The following CNTNAP2 variants were observed in gnomAD, a reference collection of about 807,000 sequenced individuals.
CNTNAP2 encodes contactin-associated protein-like 2.
CNTNAP2 carries 98 observed loss-of-function variants against 155.2 expected under a neutral mutation model. That is an observed-to-expected ratio of 0.63 (90% CI 0.54 to 0.75). CNTNAP2 has a LOEUF of 0.75. CNTNAP2 is among the 30% of genes least tolerant of loss of function. CNTNAP2 has a pLI of 0.00. For synonymous variants in CNTNAP2, 651 were observed against 631.2 expected (o/e 1.03, Z -0.47); for missense variants, 1,727 against 1,688.1 (o/e 1.02, Z -0.40).
intron 15 of CNTNAP2, among the ~76,000 whole-genome samples, chr7:148,081,328 T>G (rs926678844): frequency 2.0e-5 from 3 of 151,998 alleles, no homozygotes; most frequent in Non-Finnish European, 4.4e-5. Context: ...TGATCTTGGG[T>G]GTGTATGTGA....
At chr7:147,910,706 T>C (rs973532452) in intron 14 of CNTNAP2, among the ~76,000 whole-genome samples, 1 of 152,116 alleles carries the variant, frequency 6.6e-6, no homozygotes, top group Admixed American at 6.6e-5. Context: ...GCAGGAGAAC[T>C]CCCATTTATA....
chr7:147,506,221 T>C (rs1798903347), intron 11 of CNTNAP2, among the ~76,000 whole-genome samples: 1 of 152,058 alleles, frequency 6.6e-6, no homozygotes, highest in Non-Finnish European at 1.5e-5. Context: ...AAGGCTCGGG[T>C]CCTTCAAGTT....
At chr7:146,538,060 C>A (rs1797896799) in intron 1 of CNTNAP2, among the ~76,000 whole-genome samples, 1 of 151,952 alleles carries the variant, frequency 6.6e-6, no homozygotes, top group Non-Finnish European at 1.5e-5. Flanking sequence ...GAAGAAATAT[C>A]CAAGCCAGTT....
intron 14 of CNTNAP2, among the ~76,000 whole-genome samples, chr7:147,920,696 G>C (rs1436830056): frequency 6.6e-6 from 1 of 152,110 alleles, no homozygotes; most frequent in South Asian, 2.1e-4. Flanking sequence ...GAAACACAGG[G>C]TGGGTGGGTA....
chr7:148,414,296 T>C lies in CNTNAP2; in HGVS notation c.3797-1121T>C, dbSNP rs540042477. Among the ~76,000 whole-genome samples, 170 of 152,190 alleles carry C rather than the reference T, an allele frequency of 1.1e-3. No homozygotes were observed. In the South Asian group the frequency reaches 0.017, roughly 15 times the overall value. On this transcript the variant is annotated intron_variant, in intron 23 of 23. Coordinates refer to ENST00000361727, the MANE Select transcript of CNTNAP2 (RefSeq NM_014141.6). ...GGTTTCACCATGTTGCCCAGGCTGG[T>C]CTTAAACTCCTGACCTCAAGTAATC...
intron 3 of CNTNAP2, among the ~76,000 whole-genome samples, chr7:146,908,841 C>G (rs1285719679): frequency 3.9e-5 from 5 of 127,366 alleles, no homozygotes; most frequent in Non-Finnish European, 1.8e-5. Context: ...AAAAACCCTT[C>G]AAAAAAATCA....
intron 10 of CNTNAP2, among the ~76,000 whole-genome samples, chr7:147,407,296 G>A (rs541679886): frequency 6.4e-4 from 97 of 151,618 alleles, no homozygotes; most frequent in African/African-American, 2.1e-3. Flanking sequence ...GTGAAACCCC[G>A]TCTCTCCTAA....
chr7:147,877,710 G>T (rs1257654395), intron 13 of CNTNAP2, among the ~76,000 whole-genome samples: 1 of 151,730 alleles, frequency 6.6e-6, no homozygotes, highest in Non-Finnish European at 1.5e-5. Flanking sequence ...AGAGATACTA[G>T]CTGGGTTGTG....
At chr7:146,385,767 G>T (rs377127760) in intron 1 of CNTNAP2, among the ~76,000 whole-genome samples, 1 of 152,108 alleles carries the variant, frequency 6.6e-6, no homozygotes, top group South Asian at 2.1e-4. Context: ...TTTTCATTCC[G>T]TTGCAAAGAT....
intron 15 of CNTNAP2, among the ~76,000 whole-genome samples, chr7:148,060,486 T>C (rs886278058): frequency 1.3e-5 from 2 of 152,184 alleles, no homozygotes. Flanking sequence ...CTAATAAATA[T>C]TTGTTGATCA....
chr7:146,870,429 T>G (rs140755933), intron 3 of CNTNAP2, among the ~76,000 whole-genome samples: 1 of 152,240 alleles, frequency 6.6e-6, no homozygotes, highest in East Asian at 1.9e-4. Context: ...GTAGTAACAT[T>G]CCCTTTGTCA....
intron 3 of CNTNAP2, among the ~76,000 whole-genome samples, chr7:146,847,481 C>T (rs566987177): frequency 2.6e-5 from 4 of 152,222 alleles, no homozygotes; most frequent in African/African-American, 9.6e-5. Flanking sequence ...GTATTTACCT[C>T]AATGGAGGTT....
intron 13 of CNTNAP2, among the ~76,000 whole-genome samples, chr7:147,893,490 T>C (rs927773763): frequency 3.3e-5 from 5 of 152,256 alleles, no homozygotes; most frequent in African/African-American, 1.2e-4. Flanking sequence ...TTCCCAAGTG[T>C]CCAGTGAACT....
At chr7:147,795,086 A>C (rs531611915) in intron 13 of CNTNAP2, among the ~76,000 whole-genome samples, 2 of 151,330 alleles carry the variant, frequency 1.3e-5, no homozygotes, top group African/African-American at 4.9e-5. Context: ...TTTATTTTGT[A>C]TATCTCCACT....
chr7:146,863,446 A>C (rs1236734214), intron 3 of CNTNAP2, among the ~76,000 whole-genome samples: 1 of 152,112 alleles, frequency 6.6e-6, no homozygotes, highest in East Asian at 1.9e-4. Flanking sequence ...TCTATGCTTT[A>C]ATTATAACAT....
chr7:147,081,236 G>A (rs1013847076), intron 4 of CNTNAP2: 1 of 152,010 alleles, frequency 6.6e-6, no homozygotes, highest in Non-Finnish European at 1.5e-5. Flanking sequence ...ACCAACGAGT[G>A]GACAGTGGGA....
At chr7:148,209,756 A>C (rs1795510918) in intron 18 of CNTNAP2, among the ~76,000 whole-genome samples, 1 of 152,214 alleles carries the variant, frequency 6.6e-6, no homozygotes, top group African/African-American at 2.4e-5. Context: ...ACCTTTGCTT[A>C]AAACCTTTCA....
chr7:148,386,793 G>T (rs1799219703), intron 22 of CNTNAP2, among the ~76,000 whole-genome samples: 1 of 152,120 alleles, frequency 6.6e-6, no homozygotes, highest in South Asian at 2.1e-4. Context: ...TGGGCAGGGG[G>T]ACCTTATTTA....
At chr7:147,258,537 T>C (rs1318160016) in intron 8 of CNTNAP2, among the ~76,000 whole-genome samples, 1 of 152,122 alleles carries the variant, frequency 6.6e-6, no homozygotes, top group African/African-American at 2.4e-5. Context: ...CTAACTGTTC[T>C]CCCGTACTTG....
Sources: gnomAD v4.1 joint callset for allele counts (sites outside exome capture counted in the v4.1 genomes callset) on GRCh38, gnomAD v4.1.1 for gene constraint, MANE v1.5 for transcripts, NCBI Gene and HGNC (gene_info 2026-07-23, HGNC 2026-07-21) for gene names.